Variants in SFT2D3 observed in about 807,000 individuals in gnomAD.
SFT2D3 encodes vesicle transport protein SFT2C.
For synonymous variants in SFT2D3, 239 were observed against 191.2 expected, an observed-to-expected ratio of 1.25 and a Z score of -2.06; for missense variants, 405 against 334.6, an observed-to-expected ratio of 1.21 and a Z score of -1.64.
In SFT2D3 at chr2:127,703,514, A is replaced by C. The variant is rs1685942250; in HGVS notation, c.*1338A>C. 6.0e-6 allele frequency: 1 copy of C among 167,126 alleles called. No homozygotes were observed. Among genetic ancestry groups the C allele is most frequent in the South Asian group, 2.1e-4 (1 of 4,832 alleles). 10.4% of individuals were successfully genotyped at this position (167,126 alleles called of 1,614,324 possible). A position where few individuals can be genotyped will look rare whatever the true frequency, so the allele number is the denominator to read the frequency against. The stretch of plus-strand genomic sequence containing the variant: ...AAGTCAGGTCCCTAAGCCCCGTCCC[A>C]AGAAGTGACACAAGTGGCCAACATC... On this transcript the variant is annotated 3_prime_UTR_variant, in exon 1 of 1. Coordinates refer to ENST00000310981, the MANE Select transcript of SFT2D3 (RefSeq NM_032740.4).
Position 127,701,990 on chromosome 2 carries a change from C to T in SFT2D3, c.462C>T (p.Gly154=). 2 of 1,340,806 alleles carry T rather than the reference C, an allele frequency of 1.5e-6. No homozygotes were observed. Among genetic ancestry groups the T allele is most frequent in the Non-Finnish European group, 1.9e-6 (2 of 1,049,290 alleles). 83.1% of individuals were successfully genotyped at this position (1,340,806 alleles called of 1,614,324 possible). ...CGCTGCTCTACATGGCAGCGCTGGG[C>T]GCCACGCTGTTCGCCGCGCTGGGCC... ...RPALLYMAAL[G]ATLFAALGLR... The change falls in exon 1 of 1, where the codon GGC becomes GGT. Residue 154 remains glycine (G), a synonymous_variant. Coordinates refer to ENST00000310981, the MANE Select transcript of SFT2D3 (RefSeq NM_032740.4).
Position 127,701,935 on chromosome 2 carries a change from TGCGCTGCGAAGAAGCGCCGTCCCGGCCC to T in SFT2D3, c.415_442del (p.Glu139SerfsTer146), listed in dbSNP as rs1685899365. The stretch of plus-strand genomic sequence containing the variant: ...GGCGGCGCGGCGTGCGGACGCCTGC[TGCGCTGCGAAGAAGCGCCGTCCCGGCCC>T]GCGCTGCTCTACATGGCAGCGCTGG... On this transcript the variant is annotated frameshift_variant, in exon 1 of 1. Coordinates refer to ENST00000310981, the MANE Select transcript of SFT2D3 (RefSeq NM_032740.4). LOFTEE classifies it low-confidence loss of function (END_TRUNC). 2 of 1,425,162 alleles carry T rather than the reference TGCGCTGCGAAGAAGCGCCGTCCCGGCCC, an allele frequency of 1.4e-6. No individual in the cohort carries two copies. Among genetic ancestry groups the T allele is most frequent in the Non-Finnish European group, 9.1e-7 (1 of 1,096,634 alleles). The allele number at this position is 1,425,162 out of a possible 1,614,324, so 88.3% of individuals were successfully genotyped here. A position where few individuals can be genotyped will look rare whatever the true frequency, so the allele number is the denominator to read the frequency against.
In SFT2D3 at chr2:127,701,558, G is replaced by T; in HGVS notation, c.30G>T (p.Glu10Asp). ...CGGACCTCCACCGCCAGCTGCAGGA[G>T]TACCTGGCGCAGGGGAAAGCTGGCG... MADLHRQLQ[E>D]YLAQGKAGGP... is the part of the protein sequence containing the mutation. The change falls in exon 1 of 1, where the codon GAG becomes GAT. Residue 10 changes from glutamate to aspartate, a missense_variant. Coordinates refer to ENST00000310981, the MANE Select transcript of SFT2D3 (RefSeq NM_032740.4). 1 of 1,368,498 alleles carries T rather than the reference G, an allele frequency of 7.3e-7. No individual in the cohort carries two copies. Among genetic ancestry groups the T allele is most frequent in the Non-Finnish European group, 9.4e-7 (1 of 1,059,802 alleles). 84.8% of individuals were successfully genotyped at this position (1,368,498 alleles called of 1,614,324 possible).
Position 127,701,582 on chromosome 2 carries a change from C to T in SFT2D3, c.54C>T (p.Gly18=). ...AGTACCTGGCGCAGGGGAAAGCTGG[C>T]GGCCCGGCGGCCGCGGAGCCGCTGC... ...LQEYLAQGKA[G]GPAAAEPLLA... The change falls in exon 1 of 1, where the codon GGC becomes GGT. Residue 18 remains glycine (G), a synonymous_variant. Transcript: ENST00000310981. The T allele has an allele frequency of 2.2e-6, 3 of 1,334,144 alleles. No individual in the cohort carries two copies. Among genetic ancestry groups the T allele is most frequent in the Non-Finnish European group, 9.6e-7 (1 of 1,036,406 alleles). 82.6% of individuals were successfully genotyped at this position (1,334,144 alleles called of 1,614,324 possible).
In SFT2D3 at chr2:127,705,083, A is replaced by AG. The variant is rs1358579928; in HGVS notation, c.*2908dup. 1.2e-5 allele frequency: 2 copies of AG among 166,872 alleles called. No homozygotes were observed. The highest frequency in any genetic ancestry group is 2.4e-5 in the African/African-American group (1 of 41,442). The allele number at this position is 166,872 out of a possible 1,614,324, so 10.3% of individuals were successfully genotyped here. On this transcript the variant is annotated 3_prime_UTR_variant, in exon 1 of 1. Coordinates refer to ENST00000310981, the MANE Select transcript of SFT2D3 (RefSeq NM_032740.4). This position sits in a 1 kb window ranked among gnomAD's most constrained non-coding sequence, Gnocchi z 4.5. ...AGCAAGACTCTGTCAAAAAAGGAAA[A>AG]GAAAAAAAGAAACTTCCAGCACCAC...
rs540351895 is a variant in SFT2D3, at chr2:127,702,492, A to G, written c.*316A>G. 1 of 203,542 alleles carries G rather than the reference A, an allele frequency of 4.9e-6. No homozygotes were observed. The highest frequency in any genetic ancestry group is 2.3e-5 in the African/African-American group (1 of 42,690). 12.6% of individuals were successfully genotyped at this position (203,542 alleles called of 1,614,324 possible). On this transcript the variant is annotated 3_prime_UTR_variant, in exon 1 of 1. Transcript: ENST00000310981. ...GTAACTGTGGTCTTAGGTTCGGCTG[A>G]GTAAAGAAAAAGGATTTTTCTTCGA... is the stretch of plus-strand genomic sequence containing the variant.
chr2:127,703,310 G>A lies in SFT2D3; in HGVS notation c.*1134G>A, dbSNP rs147504822. 8.1e-4 allele frequency: 135 copies of A among 167,180 alleles called. No homozygotes were observed. Among genetic ancestry groups the A allele is most frequent in the African/African-American group, 2.9e-3 (121 of 41,576 alleles). 10.4% of individuals were successfully genotyped at this position (167,180 alleles called of 1,614,324 possible). A position where few individuals can be genotyped will look rare whatever the true frequency, so the allele number is the denominator to read the frequency against. ...TCCCAGACATCAGGACCTTTTTAAA[G>A]CTCCCCAAGTGATTCTACGTTCCCC... On this transcript the variant is annotated 3_prime_UTR_variant, in exon 1 of 1. Transcript: ENST00000310981.
chr2:127,702,722 C>T lies in SFT2D3; in HGVS notation c.*546C>T, dbSNP rs1457163615. The T allele has an allele frequency of 6.0e-6, 1 of 166,922 alleles. No individual in the cohort carries two copies. Among genetic ancestry groups the T allele is most frequent in the Admixed American group, 6.5e-5 (1 of 15,276 alleles). The allele number at this position is 166,922 out of a possible 1,614,324, so 10.3% of individuals were successfully genotyped here. ...TAAAAGTACTTAAGATGGTTTATCTCGGGTTTTTTCTTCAGTTAACAAAAT... is the reference window on the plus strand; with the variant it reads ...TAAAAGTACTTAAGATGGTTTATCTTGGGTTTTTTCTTCAGTTAACAAAAT... On this transcript the variant is annotated 3_prime_UTR_variant, in exon 1 of 1. Transcript: ENST00000310981.
chr2:127,701,895 A>C lies in SFT2D3; in HGVS notation c.367A>C (p.Ser123Arg), dbSNP rs1007332615. The C allele has an allele frequency of 3.4e-6, 5 of 1,456,472 alleles. No homozygotes were observed. The African/African-American group carries it at 7.4e-5, about 22-fold the overall frequency. 90.2% of individuals were successfully genotyped at this position (1,456,472 alleles called of 1,614,324 possible). ...GGGCTCGGCGCTGGCGTTGGCGGGA[A>C]GCGCGCTGCTGCGGGGCGGCGCGGC... is the stretch of plus-strand genomic sequence containing the variant. ...SLGSALALAG[S>R]ALLRGGAACG... Residue 123 changes from serine to arginine, a missense_variant, in exon 1 of 1, where the codon AGC (serine) becomes CGC (arginine). Transcript: ENST00000310981.
Position 127,704,519 on chromosome 2 carries a change from G to A in SFT2D3, c.*2343G>A, listed in dbSNP as rs1685965779. The A allele has an allele frequency of 6.0e-6, 1 of 166,886 alleles. No homozygotes were observed. Among genetic ancestry groups the A allele is most frequent in the African/African-American group, 2.4e-5 (1 of 41,372 alleles). The allele number at this position is 166,886 out of a possible 1,614,324, so 10.3% of individuals were successfully genotyped here. ...TCTCTCTTTAAGCTATACCAGTTGGGGGTGAGTGAAGAAATACCCATAACC... is the reference window on the plus strand; with the variant it reads ...TCTCTCTTTAAGCTATACCAGTTGGAGGTGAGTGAAGAAATACCCATAACC... On this transcript the variant is annotated 3_prime_UTR_variant, in exon 1 of 1. Transcript: ENST00000310981.
chr2:127,701,612 C>A lies in SFT2D3; in HGVS notation c.84C>A (p.Ala28=). 1.5e-6 allele frequency: 2 copies of A among 1,345,294 alleles called. No individual in the cohort carries two copies. Among genetic ancestry groups the A allele is most frequent in the Non-Finnish European group, 9.5e-7 (1 of 1,049,752 alleles). 83.3% of individuals were successfully genotyped at this position (1,345,294 alleles called of 1,614,324 possible). A position where few individuals can be genotyped will look rare whatever the true frequency, so the allele number is the denominator to read the frequency against. ...GGPAAAEPLL[A]AEKAEEPGDR... ...CGGCGGCCGCGGAGCCGCTGCTCGC[C>A]GCGGAGAAGGCGGAGGAGCCCGGGG... is the stretch of plus-strand genomic sequence containing the variant. Residue 28 remains alanine, a synonymous_variant, in exon 1 of 1, where the codon GCC becomes GCA. Transcript: ENST00000310981.
Position 127,701,832 on chromosome 2 carries a change from C to A in SFT2D3, c.304C>A (p.Leu102Met). 3 of 1,458,624 alleles carry A rather than the reference C, an allele frequency of 2.1e-6. No individual in the cohort carries two copies. Among genetic ancestry groups the A allele is most frequent in the South Asian group, 2.6e-5 (2 of 77,672 alleles). The allele number at this position is 1,458,624 out of a possible 1,614,324, so 90.4% of individuals were successfully genotyped here. A position where few individuals can be genotyped will look rare whatever the true frequency, so the allele number is the denominator to read the frequency against. Residue 102 changes from leucine (L) to methionine (M), a missense_variant, in exon 1 of 1, where the codon CTG (leucine) becomes ATG (methionine). Coordinates refer to ENST00000310981, the MANE Select transcript of SFT2D3 (RefSeq NM_032740.4). ...GLAALYAPVL[L>M]LRARKFALLW... is the part of the protein sequence containing the mutation. ...AGCCGCGCTCTACGCACCGGTGTTG[C>A]TGCTGCGCGCGCGCAAGTTCGCGCT...
rs748753352 is a variant in SFT2D3 at position 127,705,186 on chromosome 2, A to G, written c.*3010A>G. 2.4e-5 allele frequency: 4 copies of G among 167,162 alleles called. No individual in the cohort carries two copies. Among genetic ancestry groups the G allele is most frequent in the Non-Finnish European group, 5.9e-5 (4 of 68,130 alleles). The allele number at this position is 167,162 out of a possible 1,614,324, so 10.4% of individuals were successfully genotyped here. On this transcript the variant is annotated 3_prime_UTR_variant, in exon 1 of 1. Transcript: ENST00000310981. This position sits in a 1 kb window ranked among gnomAD's most constrained non-coding sequence, Gnocchi z 4.5. ...TGAAATGTTAAGGTGGCCATAGGAC[A>G]GTCCTTTTAATAAAAGCTTCCATGT...
rs1422141999 is a variant in SFT2D3, at chr2:127,703,705, A to G, written c.*1529A>G. On this transcript the variant is annotated 3_prime_UTR_variant, in exon 1 of 1. Transcript: ENST00000310981. Reference sequence around the variant, plus strand: ...TTAATTAATTGTAAAGACTTGTGCCATTGGCTGCTCTTTCTAGTCCCCTAA... The same window carrying G: ...TTAATTAATTGTAAAGACTTGTGCCGTTGGCTGCTCTTTCTAGTCCCCTAA... 3 of 167,076 alleles carry G rather than the reference A, an allele frequency of 1.8e-5. No individual in the cohort carries two copies. Among genetic ancestry groups the G allele is most frequent in the African/African-American group, 2.4e-5 (1 of 41,450 alleles). 10.3% of individuals were successfully genotyped at this position (167,076 alleles called of 1,614,324 possible).
Position 127,702,371 on chromosome 2 carries a change from C to T in SFT2D3, c.*195C>T, listed in dbSNP as rs1685915328. 4.9e-6 allele frequency: 2 copies of T among 404,478 alleles called. No homozygotes were observed. 25.1% of individuals were successfully genotyped at this position (404,478 alleles called of 1,614,324 possible). A position where few individuals can be genotyped will look rare whatever the true frequency, so the allele number is the denominator to read the frequency against. ...AGCGTTGGGAGCTCCTCGATGTCAG[C>T]TTTTTGTGCTGGACTTGGCACACGC... On this transcript the variant is annotated 3_prime_UTR_variant, in exon 1 of 1. Coordinates refer to ENST00000310981, the MANE Select transcript of SFT2D3 (RefSeq NM_032740.4).
Position 127,702,044 on chromosome 2 carries a change from C to T in SFT2D3, c.516C>T (p.Gly172=), listed in dbSNP as rs1388482260. The T allele has an allele frequency of 1.1e-5, 13 of 1,232,482 alleles. No homozygotes were observed. Among genetic ancestry groups the T allele is most frequent in the Admixed American group, 4.3e-5 (1 of 23,358 alleles). The allele number at this position is 1,232,482 out of a possible 1,614,324, so 76.3% of individuals were successfully genotyped here. Residue 172 remains glycine, a synonymous_variant, in exon 1 of 1, where the codon GGC becomes GGT. Coordinates refer to ENST00000310981, the MANE Select transcript of SFT2D3 (RefSeq NM_032740.4). ...GCAGCACGCTGCTCACGGTGCTGGG[C>T]GCGGGCGCGCAGGTGGCCGCGCTGC... ...GLRSTLLTVL[G]AGAQVAALLA...
Position 127,704,100 on chromosome 2 carries a change from G to A in SFT2D3, c.*1924G>A, listed in dbSNP as rs1285770049. ...GATCACACCACTGCACCACAGCCTA[G>A]GCAACAGCGAGACCTTGTCTCAAAA... On this transcript the variant is annotated 3_prime_UTR_variant, in exon 1 of 1. Coordinates refer to ENST00000310981, the MANE Select transcript of SFT2D3 (RefSeq NM_032740.4). 1 of 166,544 alleles carries A rather than the reference G, an allele frequency of 6.0e-6. No individual in the cohort carries two copies. Among genetic ancestry groups the A allele is most frequent in the Non-Finnish European group, 1.5e-5 (1 of 68,082 alleles). The allele number at this position is 166,544 out of a possible 1,614,324, so 10.3% of individuals were successfully genotyped here.
In SFT2D3 at chr2:127,701,980, C is replaced by T. The variant is rs1685902022; in HGVS notation, c.452C>T (p.Ala151Val). The T allele has an allele frequency of 5.1e-6, 7 of 1,359,542 alleles. No individual in the cohort carries two copies. The highest frequency in any genetic ancestry group is 3.8e-5 in the Admixed American group (1 of 26,484). The allele number at this position is 1,359,542 out of a possible 1,614,324, so 84.2% of individuals were successfully genotyped here. A position where few individuals can be genotyped will look rare whatever the true frequency, so the allele number is the denominator to read the frequency against. Residue 151 changes from alanine to valine, a missense_variant, in exon 1 of 1, where the codon GCA (alanine) becomes GTA (valine). Transcript: ENST00000310981. ...APSRPALLYM[A>V]ALGATLFAAL... ...TCCCGGCCCGCGCTGCTCTACATGGCAGCGCTGGGCGCCACGCTGTTCGCC... is the reference window on the plus strand; with the variant it reads ...TCCCGGCCCGCGCTGCTCTACATGGTAGCGCTGGGCGCCACGCTGTTCGCC...
chr2:127,704,801 C>G lies in SFT2D3; in HGVS notation c.*2625C>G, dbSNP rs563881524. ...TAAGCAACCATTGAAACTTCCAGCA[C>G]CAGCGGCCAGGTACTGTGGCTCAGA... is the stretch of plus-strand genomic sequence containing the variant. On this transcript the variant is annotated 3_prime_UTR_variant, in exon 1 of 1. Transcript: ENST00000310981. 6 of 167,182 alleles carry G rather than the reference C, an allele frequency of 3.6e-5. No homozygotes were observed. Among genetic ancestry groups the G allele is most frequent in the African/African-American group, 1.4e-4 (6 of 41,576 alleles). 10.4% of individuals were successfully genotyped at this position (167,182 alleles called of 1,614,324 possible). A position where few individuals can be genotyped will look rare whatever the true frequency, so the allele number is the denominator to read the frequency against.
Sources: allele counts gnomAD v4.1 joint callset, GRCh38; gene constraint gnomAD v4.1.1; non-coding constraint Gnocchi (gnomAD v3.1); transcripts MANE v1.5; gene names NCBI Gene and HGNC (gene_info 2026-07-23, HGNC 2026-07-21).